The following ENTREP2 variants were observed in gnomAD, a reference collection of about 807,000 sequenced individuals.
ENTREP2 encodes protein ENTREP2.
the ENTREP2 span, among the ~76,000 whole-genome samples, chr15:29,254,578 G>T: frequency 6.6e-6 from 1 of 151,294 alleles, no homozygotes; most frequent in South Asian, 2.1e-4. Context: ...CTGATTCCCG[G>T]CCAGGCGCAG....
At chr15:29,379,938 A>G in the ENTREP2 span, among the ~76,000 whole-genome samples, 44,312 of 151,722 alleles carry the variant, frequency 0.29, 6,962 homozygotes, top group African/African-American at 0.41. Context: ...AGCTGTCCCC[A>G]TGTCACTGAA....
the ENTREP2 span, among the ~76,000 whole-genome samples, chr15:29,453,663 C>A: frequency 6.6e-6 from 1 of 152,204 alleles, no homozygotes; most frequent in Non-Finnish European, 1.5e-5. Flanking sequence ...TAACGTATAT[C>A]ACCACCAGGA....
the ENTREP2 span, among the ~76,000 whole-genome samples, chr15:29,587,690 C>T: frequency 6.6e-6 from 1 of 152,064 alleles, no homozygotes; most frequent in South Asian, 2.1e-4. Context: ...GAGACAGTCT[C>T]GCTCTGTCAC....
chr15:29,629,919 C>A, the ENTREP2 span, among the ~76,000 whole-genome samples: 1 of 152,068 alleles, frequency 6.6e-6, no homozygotes, highest in Non-Finnish European at 1.5e-5. Context: ...GAATTCGAGA[C>A]CAGCCTGGCC....
chr15:29,635,965 A>C, the ENTREP2 span, among the ~76,000 whole-genome samples: 2 of 152,176 alleles, frequency 1.3e-5, no homozygotes, highest in Non-Finnish European at 2.9e-5. Context: ...CCAGAACATA[A>C]ATCTATTTGA....
At chr15:29,134,483 G>A in the ENTREP2 span, among the ~76,000 whole-genome samples, 1 of 152,298 alleles carries the variant, frequency 6.6e-6, no homozygotes, top group Admixed American at 6.5e-5. Flanking sequence ...GGGCTCACGG[G>A]CCAGCCGGAA....
chr15:29,373,335 C>T, the ENTREP2 span, among the ~76,000 whole-genome samples: 1 of 151,922 alleles, frequency 6.6e-6, no homozygotes, highest in Non-Finnish European at 1.5e-5. Flanking sequence ...AGGAAGGAAC[C>T]AAGGGAACCT....
the ENTREP2 span, among the ~76,000 whole-genome samples, chr15:29,408,958 G>C: frequency 6.6e-6 from 1 of 152,216 alleles, no homozygotes; most frequent in African/African-American, 2.4e-5. Flanking sequence ...TAACCTGTGA[G>C]GCCATTAACA....
the ENTREP2 span, among the ~76,000 whole-genome samples, chr15:29,559,889 G>A: frequency 0.79 from 119,602 of 152,178 alleles, 47,139 homozygotes; most frequent in East Asian, 0.98. Context: ...GGGGACCACA[G>A]TTCCATCTAC....
the ENTREP2 span, among the ~76,000 whole-genome samples, chr15:29,479,391 T>C: frequency 6.6e-6 from 1 of 151,970 alleles, no homozygotes; most frequent in Non-Finnish European, 1.5e-5. Context: ...AAACTTCTTT[T>C]CTTATAAATT....
chr15:29,394,879 T>TCAC, the ENTREP2 span, among the ~76,000 whole-genome samples: 1 of 79,032 alleles, frequency 1.3e-5, no homozygotes, highest in East Asian at 3.0e-4. Context: ...TGTGTCAGAA[T>TCAC]CTCTTTTTTT....
the ENTREP2 span, among the ~76,000 whole-genome samples, chr15:29,327,647 T>C: frequency 6.7e-6 from 1 of 148,398 alleles, no homozygotes; most frequent in Non-Finnish European, 1.5e-5. Context: ...CCAAAGAAGA[T>C]ACAGGAACAG....
chr15:29,657,355 C>T, the ENTREP2 span, among the ~76,000 whole-genome samples: 1 of 146,754 alleles, frequency 6.8e-6, no homozygotes, highest in Non-Finnish European at 1.5e-5. Flanking sequence ...TCAAAGACGG[C>T]AGTGTTACAG....
chr15:29,652,013 T>C, the ENTREP2 span, among the ~76,000 whole-genome samples: 1 of 152,148 alleles, frequency 6.6e-6, no homozygotes, highest in Non-Finnish European at 1.5e-5. Flanking sequence ...ATGGTGCTTT[T>C]TCCTGGGCCC....
At chr15:29,546,904 C>CA in the ENTREP2 span, among the ~76,000 whole-genome samples, 201 of 38,530 alleles carry the variant, frequency 5.2e-3, 3 homozygotes, top group East Asian at 0.043. Context: ...AAAACAACAA[C>CA]AAAAAAAAAA....
At chr15:29,627,993 T>C in the ENTREP2 span, among the ~76,000 whole-genome samples, 1 of 152,214 alleles carries the variant, frequency 6.6e-6, no homozygotes, top group Non-Finnish European at 1.5e-5. Flanking sequence ...CGTGTAAGTA[T>C]ATACCCAGAA....
chr15:29,316,699 T>C, the ENTREP2 span, among the ~76,000 whole-genome samples: 1 of 152,198 alleles, frequency 6.6e-6, no homozygotes, highest in East Asian at 1.9e-4. Flanking sequence ...TCTCTTTACT[T>C]GTGTATATAG....
chr15:29,181,057 C>T, the ENTREP2 span, among the ~76,000 whole-genome samples: 1 of 151,834 alleles, frequency 6.6e-6, no homozygotes, highest in East Asian at 1.9e-4. Context: ...AGGCAAGTCT[C>T]TGGCAGAGGC....
chr15:29,332,731 G>A, the ENTREP2 span, among the ~76,000 whole-genome samples: 4 of 152,036 alleles, frequency 2.6e-5, no homozygotes, highest in Admixed American at 6.6e-5. Flanking sequence ...AGGCCAAGGC[G>A]GGCAGATCAC....
Sources: gnomAD v4.1 joint callset for allele counts (sites outside exome capture counted in the v4.1 genomes callset) on GRCh38, gnomAD v4.1.1 for gene constraint, MANE v1.5 for transcripts, NCBI Gene and HGNC (gene_info 2026-07-23, HGNC 2026-07-21) for gene names.